Variants in CA10 observed in about 807,000 individuals in gnomAD.
CA10 encodes carbonic anhydrase 10 (inactive).
A neutral mutation model predicts 44.2 loss-of-function variants in CA10; 14 were observed. That is an observed-to-expected ratio of 0.32 (90% CI 0.21 to 0.50). The LOEUF (loss-of-function observed/expected upper bound fraction) is 0.50. CA10 is among the 20% of genes least tolerant of loss of function. The probability of loss-of-function intolerance (pLI) is 0.99; values close to 1 mark genes in which losing one functional copy is unlikely to be tolerated. For missense variants in CA10, 350 were observed against 409.7 expected, an observed-to-expected ratio of 0.85 and a Z score of 1.26; for synonymous variants, 159 against 141.6, an observed-to-expected ratio of 1.12 and a Z score of -0.87.
At chr17:51,878,073 G>T (rs755680423) in intron 3 of CA10, among the ~76,000 whole-genome samples, 9 of 143,400 alleles carry the variant, frequency 6.3e-5, no homozygotes, top group Non-Finnish European at 1.3e-4. Flanking sequence ...GAACCCAGAA[G>T]GCGGAGGTTA....
chr17:51,828,142 G>A (rs1908098041), intron 3 of CA10, among the ~76,000 whole-genome samples: 1 of 152,174 alleles, frequency 6.6e-6, no homozygotes, highest in Non-Finnish European at 1.5e-5. Flanking sequence ...CTGTTACTGT[G>A]TCTGGTGTTG....
chr17:51,848,291 T>A (rs1047918575), intron 3 of CA10, among the ~76,000 whole-genome samples: 2 of 152,236 alleles, frequency 1.3e-5, no homozygotes, highest in African/African-American at 4.8e-5. Context: ...TTTATCTTGA[T>A]TACTAAGTTT....
chr17:51,952,774 G>C (rs946024037), intron 2 of CA10, among the ~76,000 whole-genome samples: 2 of 152,088 alleles, frequency 1.3e-5, no homozygotes, highest in Non-Finnish European at 2.9e-5. Context: ...GAGGCACAAG[G>C]CTCTGCTCTG....
Position 51,941,307 on chromosome 17 carries a change from G to A in CA10, c.137-10175C>T, listed in dbSNP as rs551416973. On this transcript the variant is annotated intron_variant, in intron 2 of 8. Coordinates refer to ENST00000451037, the MANE Select transcript of CA10 (RefSeq NM_020178.5). Reference sequence around the variant, plus strand: ...CCTGAATCAGGTGACTCATTCTTGCGAGAATCCACAGGAAGGCATAAAAGA... The same window carrying A: ...CCTGAATCAGGTGACTCATTCTTGCAAGAATCCACAGGAAGGCATAAAAGA... Among the ~76,000 whole-genome samples the A allele has an allele frequency of 1.8e-4, 28 of 152,216 alleles. No homozygotes were observed. The South Asian group carries it at 4.6e-3, about 25-fold the overall frequency.
At chr17:51,891,802 C>A (rs1432864981) in intron 3 of CA10, among the ~76,000 whole-genome samples, 1 of 152,188 alleles carries the variant, frequency 6.6e-6, no homozygotes, top group Admixed American at 6.5e-5. Flanking sequence ...GGGAATATGA[C>A]TGCTCCTCTT....
At chr17:52,075,890 G>A (rs984410793) in intron 1 of CA10, among the ~76,000 whole-genome samples, 1 of 152,092 alleles carries the variant, frequency 6.6e-6, no homozygotes, top group Non-Finnish European at 1.5e-5. Context: ...AGTGTCATAT[G>A]GAATACATTT....
chr17:51,906,216 T>A (rs1334203240), intron 3 of CA10, among the ~76,000 whole-genome samples: 1 of 152,160 alleles, frequency 6.6e-6, no homozygotes, highest in African/African-American at 2.4e-5. Context: ...AATTTTTAAA[T>A]AGTTTTTTAT....
intron 2 of CA10, among the ~76,000 whole-genome samples, chr17:52,007,318 G>A (rs185176598): frequency 2.6e-4 from 39 of 151,434 alleles, no homozygotes; most frequent in Non-Finnish European, 3.3e-4. Flanking sequence ...CTAAATACCT[G>A]TCTTTAATGG....
chr17:52,026,680 A>G (rs1281426150), intron 2 of CA10, among the ~76,000 whole-genome samples: 1 of 152,122 alleles, frequency 6.6e-6, no homozygotes, highest in Non-Finnish European at 1.5e-5. Flanking sequence ...GCCAAACAAG[A>G]GGGGGAAAAG....
intron 4 of CA10, among the ~76,000 whole-genome samples, chr17:51,747,256 CTGTGCTATCATA>C (rs1904720481): frequency 6.6e-6 from 1 of 152,220 alleles, no homozygotes; most frequent in South Asian, 2.1e-4. Context: ...GTTATGGAAT[CTGTGCTATCATA>C]TGTGACACGT....
chr17:52,051,284 C>A (rs940139841), intron 2 of CA10, among the ~76,000 whole-genome samples: 15 of 151,804 alleles, frequency 9.9e-5, no homozygotes, highest in Admixed American at 7.2e-4. Context: ...GTAGCAAAAA[C>A]CAAAATTGAC....
At chr17:52,065,659 T>C (rs1987516752) in intron 2 of CA10, among the ~76,000 whole-genome samples, 1 of 152,178 alleles carries the variant, frequency 6.6e-6, no homozygotes, top group South Asian at 2.1e-4. Context: ...AAACTTCTAG[T>C]TCCTTTCAGG....
At chr17:51,693,911 A>G (rs936859529) in intron 4 of CA10, among the ~76,000 whole-genome samples, 1 of 152,176 alleles carries the variant, frequency 6.6e-6, no homozygotes, top group African/African-American at 2.4e-5. Context: ...GTTCTTTAAG[A>G]AATTCACCCC....
At position 52,083,949 on chromosome 17, in the gene CA10, T is replaced by C. The variant is rs1273453772; in HGVS notation, c.62-11556A>G. Among the ~76,000 whole-genome samples the C allele has an allele frequency of 1.3e-4, 20 of 152,202 alleles. 1 individual carries two copies. The highest frequency in any genetic ancestry group is 1.3e-3 in the Admixed American group (20 of 15,278). On this transcript the variant is annotated intron_variant, in intron 1 of 8. Coordinates refer to ENST00000451037, the MANE Select transcript of CA10 (RefSeq NM_020178.5). ...CCCAATACTGTGACTGCAGATTGAA[T>C]GGTAGTCTATTTTTAGTTACCAAGA...
intron 1 of CA10, among the ~76,000 whole-genome samples, 189 bp downstream of exon 1, chr17:52,157,537 C>G (rs539827155): frequency 2.7e-5 from 4 of 147,386 alleles, no homozygotes; most frequent in Non-Finnish European, 3.0e-5. Flanking sequence ...CCACCCCCCC[C>G]CGCAAAACAC....
intron 2 of CA10, among the ~76,000 whole-genome samples, chr17:52,045,922 T>C (rs928159849): frequency 1.3e-5 from 2 of 151,952 alleles, no homozygotes; most frequent in African/African-American, 4.8e-5. Context: ...ATATGAGTAA[T>C]AGGAATATAC....
chr17:52,033,764 A>T (rs557484553), intron 2 of CA10, among the ~76,000 whole-genome samples: 1 of 152,330 alleles, frequency 6.6e-6, no homozygotes, highest in East Asian at 1.9e-4. Flanking sequence ...GCTACTGTAC[A>T]TAATGCTGCA....
At chr17:52,119,181 T>C (rs141756957) in intron 1 of CA10, among the ~76,000 whole-genome samples, 129 of 147,862 alleles carry the variant, frequency 8.7e-4, no homozygotes, top group African/African-American at 3.0e-3. Context: ...TATTTGTTTC[T>C]CTTTGCCTGG....
In CA10 at chr17:51,830,211, A is replaced by AAAAAAG. The variant is rs1555603885; in HGVS notation, c.280-82399_280-82394dup. Reference sequence around the variant, plus strand: ...ACTCCATCTCAAAAAAAAAAAAAAAAAAAAAGAAAAAGAAAAAAAAGAAAA... The same window carrying AAAAAAG: ...ACTCCATCTCAAAAAAAAAAAAAAAAAAAAAGAAAAAGAAAAAGAAAAAAAAGAAAA... On this transcript the variant is annotated intron_variant, in intron 3 of 8. Coordinates refer to ENST00000451037, the MANE Select transcript of CA10 (RefSeq NM_020178.5). Among the ~76,000 whole-genome samples, 1,012 of 133,552 alleles carry AAAAAAG rather than the reference A, an allele frequency of 7.6e-3. 1 individual carries two copies. The highest frequency in any genetic ancestry group is 9.2e-3 in the Non-Finnish European group (585 of 63,422). The allele number at this position is 133,552 out of a possible 152,430, so 87.6% of individuals were successfully genotyped here. A position where few individuals can be genotyped will look rare whatever the true frequency, so the allele number is the denominator to read the frequency against.
Sources: gnomAD v4.1 joint callset for allele counts (sites outside exome capture counted in the v4.1 genomes callset) on GRCh38, gnomAD v4.1.1 for gene constraint, MANE v1.5 for transcripts, NCBI Gene and HGNC (gene_info 2026-07-23, HGNC 2026-07-21) for gene names.